Variants in RETREG1 observed in about 807,000 individuals in gnomAD.
RETREG1 encodes family with sequence similarity 134 member B.
Under a neutral mutation model 54.8 loss-of-function variants are expected in RETREG1, and 44 were observed. That is an observed-to-expected ratio of 0.80 (90% CI 0.63 to 1.03). The LOEUF is 1.03. Among genes scored for constraint, RETREG1 ranks in the 50% least tolerant of loss-of-function variants. RETREG1 has a pLI of 0.00. For synonymous variants in RETREG1, 217 were observed against 238.5 expected (o/e 0.91, Z 0.83); for missense variants, 554 against 605.1 (o/e 0.92, Z 0.89).
chr5:16,483,921 G>A (rs1210601659), intron 3 of RETREG1, among the ~76,000 whole-genome samples: 1 of 152,054 alleles, frequency 6.6e-6, no homozygotes, highest in East Asian at 1.9e-4. Context: ...TGGAGGGGTA[G>A]GAGGAGACTA....
At chr5:16,603,964 CA>C (rs932278301) in intron 1 of RETREG1, among the ~76,000 whole-genome samples, 3 of 152,064 alleles carry the variant, frequency 2.0e-5, no homozygotes, top group Non-Finnish European at 2.9e-5. Context: ...CTTTGGTAAT[CA>C]ATGCCTAAAA....
chr5:16,588,233 T>C (rs1229880067), intron 1 of RETREG1, among the ~76,000 whole-genome samples: 1 of 152,208 alleles, frequency 6.6e-6, no homozygotes, highest in East Asian at 1.9e-4. Flanking sequence ...GGTTTGGTTT[T>C]TCCTGAGGCC....
chr5:16,547,681 A>G (rs1741425465), intron 3 of RETREG1, among the ~76,000 whole-genome samples: 1 of 152,234 alleles, frequency 6.6e-6, no homozygotes, highest in African/African-American at 2.4e-5. Context: ...ATAAAGGTAC[A>G]TGATGTGTTC....
At position 16,597,516 on chromosome 5, in the gene RETREG1, T is replaced by C. The variant is rs1243343326; in HGVS notation, c.320+19136A>G. 1.3e-5 allele frequency among the ~76,000 whole-genome samples: 2 copies of C among 152,174 alleles called. No homozygotes were observed. Among genetic ancestry groups the C allele is most frequent in the Non-Finnish European group, 2.9e-5 (2 of 68,032 alleles). ...TACCCTTGGGGAGTCCAGGAGTCTC[T>C]CTCAGGATGGCATTCTGCACTGGGC... On this transcript the variant is annotated intron_variant, in intron 1 of 8. Coordinates refer to ENST00000306320, the MANE Select transcript of RETREG1 (RefSeq NM_001034850.3). This position sits in a 1 kb window ranked among gnomAD's most constrained non-coding sequence, Gnocchi z 4.3.
Position 16,594,671 on chromosome 5 carries a change from G to A in RETREG1, c.320+21981C>T, listed in dbSNP as rs1235699042. The stretch of plus-strand genomic sequence containing the variant: ...ATCCAGGAGGCGGAGACTGCAGTAA[G>A]CCAAGATTGCACCACTGCACTCCAG... On this transcript the variant is annotated intron_variant, in intron 1 of 8. Transcript: ENST00000306320. This position sits in a 1 kb window ranked among gnomAD's most constrained non-coding sequence, Gnocchi z 4.4. 6.6e-6 allele frequency among the ~76,000 whole-genome samples: 1 copy of A among 152,144 alleles called. No homozygotes were observed. The highest frequency in any genetic ancestry group is 2.4e-5 in the African/African-American group (1 of 41,424).
At chr5:16,523,738 T>C (rs959849512) in intron 3 of RETREG1, among the ~76,000 whole-genome samples, 6 of 152,110 alleles carry the variant, frequency 3.9e-5, no homozygotes, top group Non-Finnish European at 8.8e-5. Flanking sequence ...CAACGTACAG[T>C]ATTTGGTGGC....
At chr5:16,581,584 A>G (rs550389808) in intron 1 of RETREG1, among the ~76,000 whole-genome samples, 2 of 151,752 alleles carry the variant, frequency 1.3e-5, no homozygotes, top group East Asian at 3.9e-4. Flanking sequence ...ACACAGGACC[A>G]CTGGCCCTTG....
chr5:16,577,364 C>A (rs1165980714), intron 1 of RETREG1, among the ~76,000 whole-genome samples: 3 of 150,554 alleles, frequency 2.0e-5, no homozygotes, highest in Non-Finnish European at 4.4e-5. Context: ...CGCAGACTGT[C>A]TGGATGTCTT....
intron 1 of RETREG1, among the ~76,000 whole-genome samples, chr5:16,596,756 G>A (rs1162004941): frequency 1.3e-5 from 2 of 152,138 alleles, no homozygotes; most frequent in African/African-American, 4.8e-5. Flanking sequence ...TGCCACTCAC[G>A]CTGTTTTCTG....
rs547750086 is a variant in RETREG1, at chr5:16,510,974, T to C, written c.459-27502A>G. Among the ~76,000 whole-genome samples the C allele has an allele frequency of 2.6e-5, 4 of 152,188 alleles. 1 individual carries two copies. The highest frequency in any genetic ancestry group is 4.4e-5 in the Non-Finnish European group (3 of 68,026). Reference sequence around the variant, plus strand: ...TTGCATACCTGAACATAACTGTTGTTGATCTTAGTTGCTGGTTACCACAGA... The same window carrying C: ...TTGCATACCTGAACATAACTGTTGTCGATCTTAGTTGCTGGTTACCACAGA... On this transcript the variant is annotated intron_variant, in intron 3 of 8. Transcript: ENST00000306320.
At chr5:16,543,023 G>T (rs1266358869) in intron 3 of RETREG1, among the ~76,000 whole-genome samples, 4 of 152,024 alleles carry the variant, frequency 2.6e-5, no homozygotes, top group Non-Finnish European at 5.9e-5. Context: ...GACAAGAACG[G>T]GTCTGCTTTG....
At chr5:16,603,002 CTG>C (rs1561136344) in intron 1 of RETREG1, among the ~76,000 whole-genome samples, 1 of 152,136 alleles carries the variant, frequency 6.6e-6, no homozygotes, top group Non-Finnish European at 1.5e-5. Flanking sequence ...GAGAGAAACT[CTG>C]TCTCAAAAAA....
intron 3 of RETREG1, among the ~76,000 whole-genome samples, chr5:16,505,653 C>G (rs1046406551): frequency 1.3e-5 from 2 of 152,192 alleles, no homozygotes; most frequent in East Asian, 1.9e-4. Flanking sequence ...ACAGCTGGAA[C>G]AGGGACCGTC....
rs755872717 is a variant in RETREG1 at position 16,572,009 on chromosome 5, C to G, written c.414G>C (p.Leu138Phe). Residue 138 changes from leucine (L) to phenylalanine (F), a missense_variant, in exon 2 of 9, where the codon TTG (leucine) becomes TTC (phenylalanine). By Grantham distance (22) the Leu-to-Phe change is conservative. Around this residue, in one of 4 missense-constraint regions of RETREG1, gnomAD observed 347 missense variants for 412.3 expected, o/e 0.84. Transcript: ENST00000306320. The stretch of plus-strand genomic sequence containing the variant: ...GAGTATTCTTACCTCTTGTTCTAGA[C>G]AAAACCATATCCTTTATTATTTGCA... ...VIMQIIKDMV[L>F]SRTRGAQLWR... The G allele has an allele frequency of 6.2e-7, 1 of 1,611,908 alleles. No individual in the cohort carries two copies. The highest frequency in any genetic ancestry group is 8.5e-7 in the Non-Finnish European group (1 of 1,178,046).
At chr5:16,616,428 G>T in intron 1 of RETREG1, 1 of 777,966 alleles carries the variant, frequency 1.3e-6, no homozygotes, top group Non-Finnish European at 1.9e-6. Flanking sequence ...TCTGAGGCTG[G>T]ATCCGCACAC....
Position 16,475,639 on chromosome 5 carries a change from T to C in RETREG1, c.1001-405A>G, listed in dbSNP as rs563036612. 1.4e-4 allele frequency among the ~76,000 whole-genome samples: 21 copies of C among 152,332 alleles called. 1 individual carries two copies. The Middle Eastern group carries it at 0.017, about 123-fold the overall frequency. On this transcript the variant is annotated intron_variant, in intron 8 of 8. Coordinates refer to ENST00000306320, the MANE Select transcript of RETREG1 (RefSeq NM_001034850.3). ...CATGTACATGAAATTTAAAATACTA[T>C]AATAAGTTTCCTTGGGTTTTGGTTA...
chr5:16,571,590 T>C (rs920066390), intron 2 of RETREG1, among the ~76,000 whole-genome samples: 2 of 152,208 alleles, frequency 1.3e-5, no homozygotes, highest in African/African-American at 4.8e-5. Context: ...TTTTTAAAAT[T>C]ATTTAACCAT....
At chr5:16,583,155 T>C (rs577020074) in intron 1 of RETREG1, among the ~76,000 whole-genome samples, 29 of 152,234 alleles carry the variant, frequency 1.9e-4, no homozygotes, top group African/African-American at 6.7e-4. Flanking sequence ...CGAGTGACCT[T>C]CTGTTGACCT....
intron 3 of RETREG1, among the ~76,000 whole-genome samples, chr5:16,539,540 C>T (rs993817452): frequency 1.3e-5 from 2 of 152,178 alleles, no homozygotes; most frequent in African/African-American, 4.8e-5. Flanking sequence ...CCCAACTTGC[C>T]CAGCCTCATC....
Sources: allele counts gnomAD v4.1 joint callset (sites outside exome capture counted in the v4.1 genomes callset), GRCh38; gene constraint gnomAD v4.1.1; regional missense constraint gnomAD v4.1.1; non-coding constraint Gnocchi (gnomAD v3.1); transcripts MANE v1.5; gene names NCBI Gene and HGNC (gene_info 2026-07-23, HGNC 2026-07-21).